Variants in SEC63 observed in about 807,000 individuals in gnomAD.
The protein encoded by SEC63 is translocation protein SEC63 homolog.
Under a neutral mutation model 116.2 loss-of-function variants are expected in SEC63, and 56 were observed. The ratio of observed to expected loss-of-function variants is 0.48; its 90% CI spans 0.39 to 0.60. The LOEUF is 0.60. SEC63 is among the 20% of genes least tolerant of loss of function. SEC63 has a pLI of 0.00. For missense variants in SEC63, 668 were observed against 900.0 expected (o/e 0.74, Z 3.30); for synonymous variants, 273 against 294.6 (o/e 0.93, Z 0.75).
chr6:107,951,144 CA>C (rs1468634875), intron 1 of SEC63, among the ~76,000 whole-genome samples: 1 of 152,114 alleles, frequency 6.6e-6, no homozygotes, highest in Non-Finnish European at 1.5e-5. Context: ...CAAGAAAGCA[CA>C]AAGTGGGCAG....
chr6:107,873,693 G>C (rs929792568), intron 19 of SEC63, among the ~76,000 whole-genome samples: 6 of 151,758 alleles, frequency 4.0e-5, no homozygotes, highest in African/African-American at 1.5e-4. Flanking sequence ...AAACAAATAG[G>C]TATTTATATT....
chr6:107,905,801 T>C (rs1350696809), intron 10 of SEC63, among the ~76,000 whole-genome samples: 1 of 152,238 alleles, frequency 6.6e-6, no homozygotes, highest in Non-Finnish European at 1.5e-5. Context: ...AAACATTTCT[T>C]ATACAGAGCA....
At chr6:107,908,470 C>T (rs1029297090) in intron 8 of SEC63, among the ~76,000 whole-genome samples, 1 of 152,066 alleles carries the variant, frequency 6.6e-6, no homozygotes, top group Non-Finnish European at 1.5e-5. Context: ...GCTCAAGAAC[C>T]AGACTGCCTG....
At chr6:107,915,262 T>A (rs1192072706) in intron 4 of SEC63, among the ~76,000 whole-genome samples, 1 of 152,096 alleles carries the variant, frequency 6.6e-6, no homozygotes, top group East Asian at 1.9e-4. Context: ...TTATAGATTC[T>A]CTTATGAATC....
intron 12 of SEC63, among the ~76,000 whole-genome samples, 154 bp downstream of exon 12, chr6:107,902,690 T>C (rs1787035039): frequency 6.6e-6 from 1 of 152,158 alleles, no homozygotes; most frequent in Admixed American, 6.5e-5. Flanking sequence ...CAAGAAAATG[T>C]TAACAGAACC....
In SEC63 at chr6:107,921,918, AAAC is replaced by A. The variant is rs200904488; in HGVS notation, c.340-12_340-10del. On this transcript the variant is annotated splice_polypyrimidine_tract_variant and intron_variant, in intron 3 of 20. Transcript: ENST00000369002. ...TCTGCTACTGTGGCTCCCTGGGGAA[AAAC>A]AAAAAAAAAAAACAAGCTTTCTGTT... is the stretch of plus-strand genomic sequence containing the variant. 8,845 of 60,242 alleles carry A rather than the reference AAAC, an allele frequency of 0.15. 65 individuals carry two copies. The highest frequency in any genetic ancestry group is 0.22 in the Admixed American group (252 of 1,146). 3.7% of individuals were successfully genotyped at this position (60,242 alleles called of 1,614,324 possible). A position where few individuals can be genotyped will look rare whatever the true frequency, so the allele number is the denominator to read the frequency against.
intron 1 of SEC63, among the ~76,000 whole-genome samples, chr6:107,952,819 A>C (rs368934037): frequency 6.6e-6 from 1 of 152,206 alleles, no homozygotes; most frequent in East Asian, 1.9e-4. Flanking sequence ...GCCAGAGCAA[A>C]CCTTTTCATG....
At chr6:107,913,225 T>A in intron 5 of SEC63, 141 bp downstream of exon 5, 1 of 663,600 alleles carries the variant, frequency 1.5e-6, no homozygotes, top group Non-Finnish European at 2.6e-6. Flanking sequence ...AAAGCAAAAA[T>A]TAATGAGAGC....
At chr6:107,908,524 T>C (rs972545832) in intron 8 of SEC63, among the ~76,000 whole-genome samples, 1 of 152,192 alleles carries the variant, frequency 6.6e-6, no homozygotes, top group African/African-American at 2.4e-5. Flanking sequence ...TTGAGAGTGT[T>C]ACTTTTCGGT....
chr6:107,944,230 G>A (rs1770435976), intron 1 of SEC63, among the ~76,000 whole-genome samples: 1 of 152,182 alleles, frequency 6.6e-6, no homozygotes, highest in South Asian at 2.1e-4. Context: ...CTGAACAGCT[G>A]AAAAGACAGT....
chr6:107,940,617 G>A (rs377257010), intron 1 of SEC63, among the ~76,000 whole-genome samples: 225 of 151,848 alleles, frequency 1.5e-3, no homozygotes, highest in African/African-American at 5.1e-3. Flanking sequence ...TAAAGTGCGC[G>A]CACACATACA....
chr6:107,947,818 C>T (rs1298716515), intron 1 of SEC63, among the ~76,000 whole-genome samples: 1 of 152,002 alleles, frequency 6.6e-6, no homozygotes, highest in East Asian at 1.9e-4. Context: ...AATGGACACC[C>T]CCTCCATCTA....
intron 8 of SEC63, among the ~76,000 whole-genome samples, chr6:107,907,559 G>C (rs1787173567): frequency 6.6e-6 from 1 of 152,138 alleles, no homozygotes; most frequent in African/African-American, 2.4e-5. Context: ...TCTAGCCTGG[G>C]AGATGAGAGA....
At chr6:107,903,437 A>T (rs1787055731) in intron 11 of SEC63, among the ~76,000 whole-genome samples, 1 of 151,616 alleles carries the variant, frequency 6.6e-6, no homozygotes, top group Non-Finnish European at 1.5e-5. Context: ...CATGTGGCTC[A>T]TGACTGTAAT....
rs914790456 is a variant in SEC63, at chr6:107,958,176, C to T, written c.-167G>A. 8.7e-6 allele frequency: 9 copies of T among 1,034,352 alleles called. No individual in the cohort carries two copies. The highest frequency in any genetic ancestry group is 6.5e-5 in the Admixed American group (3 of 46,318). 64.1% of individuals were successfully genotyped at this position (1,034,352 alleles called of 1,614,324 possible). On this transcript the variant is annotated 5_prime_UTR_variant, in exon 1 of 21. Coordinates refer to ENST00000369002, the MANE Select transcript of SEC63 (RefSeq NM_007214.5). ...ACGGACACGCCGCCGCCACCTCTGC[C>T]GCTGCCGCCGCCGTCGCCAGCTCTC...
Position 107,885,180 on chromosome 6 carries a change from G to GAAA in SEC63, c.1675-2035_1675-2034insTTT, listed in dbSNP as rs550969978. On this transcript the variant is annotated intron_variant, in intron 16 of 20. Coordinates refer to ENST00000369002, the MANE Select transcript of SEC63 (RefSeq NM_007214.5). ...TCTAGCCAGCACAGTGAGGCAGAAA[G>GAAA]GAAGAAAGAAAGAAAGGGTATAAAG... Among the ~76,000 whole-genome samples, 1,178 of 151,650 alleles carry GAAA rather than the reference G, an allele frequency of 7.8e-3. 18 individuals are homozygous for GAAA. Among genetic ancestry groups the GAAA allele is most frequent in the African/African-American group, 0.027 (1,100 of 41,468 alleles).
chr6:107,879,603 G>A (rs1030528865), intron 18 of SEC63, among the ~76,000 whole-genome samples: 1 of 152,140 alleles, frequency 6.6e-6, no homozygotes, highest in Non-Finnish European at 1.5e-5. Flanking sequence ...GGGATTACAG[G>A]CATGAGCCAC....
chr6:107,913,435 CA>C lies in SEC63; in HGVS notation c.453-9del, dbSNP rs1411185430. On this transcript the variant is annotated splice_polypyrimidine_tract_variant and intron_variant, in intron 4 of 20. Transcript: ENST00000369002. ...GACTCTTCATCCGTTAAACTAGCAT[CA>C]AAAGAACAAAGTTGCAAAATTAGAA... The C allele has an allele frequency of 6.2e-7, 1 of 1,611,260 alleles. No individual in the cohort carries two copies. Among genetic ancestry groups the C allele is most frequent in the South Asian group, 1.1e-5 (1 of 91,024 alleles).
At position 107,876,016 on chromosome 6, in the gene SEC63, C is replaced by T. The variant is rs569084835; in HGVS notation, c.2034+548G>A. ...GGCTATCTTGAAAAGCTTTTGTCCA[C>T]CAAGTACAGGCAGACAGAACCTTCT... On this transcript the variant is annotated intron_variant, in intron 19 of 20. Coordinates refer to ENST00000369002, the MANE Select transcript of SEC63 (RefSeq NM_007214.5). Among the ~76,000 whole-genome samples, 7 of 152,094 alleles carry T rather than the reference C, an allele frequency of 4.6e-5. No homozygotes were observed. The East Asian group carries it at 1.2e-3, about 25-fold the overall frequency.
Sources: gnomAD v4.1 joint callset for allele counts (sites outside exome capture counted in the v4.1 genomes callset) on GRCh38, gnomAD v4.1.1 for gene constraint, MANE v1.5 for transcripts, NCBI Gene and HGNC (gene_info 2026-07-23, HGNC 2026-07-21) for gene names.